The following EML6 variants were observed in gnomAD, a reference collection of about 807,000 sequenced individuals.
The protein encoded by EML6 is EMAP like 6, also known as echinoderm microtubule-associated protein-like 6.
A neutral mutation model predicts 240.1 loss-of-function variants in EML6; 154 were observed. The observed-to-expected ratio is 0.64, with a 90% CI of 0.56 to 0.73. The LOEUF (loss-of-function observed/expected upper bound fraction) is 0.73. Among genes scored for constraint, EML6 ranks in the 30% least tolerant of loss-of-function variants. The pLI is 0.00. For missense variants in EML6, 2,964 were observed against 2,474.6 expected, an observed-to-expected ratio of 1.20 and a Z score of -4.20; for synonymous variants, 1,148 against 899.0, an observed-to-expected ratio of 1.28 and a Z score of -4.95.
intron 31 of EML6, 126 bp downstream of exon 31, chr2:54,952,818 T>C (rs1012312470): frequency 3.1e-6 from 2 of 653,388 alleles, no homozygotes; most frequent in African/African-American, 1.8e-5. Context: ...TGCTGTTGAT[T>C]TTTTGAGTCC....
At chr2:54,757,368 G>A (rs1275193390) in intron 2 of EML6, among the ~76,000 whole-genome samples, 2 of 152,162 alleles carry the variant, frequency 1.3e-5, no homozygotes, top group Non-Finnish European at 1.5e-5. Context: ...GTGGTGCACC[G>A]CCTTTGCAAT....
chr2:54,779,869 A>G (rs1396551061), intron 2 of EML6, among the ~76,000 whole-genome samples: 14 of 150,880 alleles, frequency 9.3e-5, no homozygotes, highest in South Asian at 4.2e-4. Context: ...AAAAAAGAAA[A>G]AAAAAAAAAA....
Position 54,962,624 on chromosome 2 carries a change from C to T in EML6, c.5070C>T (p.Ile1690=), listed in dbSNP as rs746472293. 1.3e-6 allele frequency: 2 copies of T among 1,546,228 alleles called. No individual in the cohort carries two copies. The highest frequency in any genetic ancestry group is 2.5e-5 in the East Asian group (1 of 40,574). ...TTGATGGTCACATGGAAGGGGAGAT[C>T]TGGGGCCTGGCCACTCACCCTTCCA... The part of the protein sequence containing the change: ...ILIDGHMEGE[I]WGLATHPSKD... Residue 1690 remains isoleucine (I), a synonymous_variant, in exon 36 of 42, where the codon ATC becomes ATT. Coordinates refer to ENST00000356458, the MANE Select transcript of EML6 (RefSeq NM_001039753.4).
intron 13 of EML6, among the ~76,000 whole-genome samples, 163 bp downstream of exon 13, chr2:54,864,052 G>A (rs1232374785): frequency 2.0e-5 from 3 of 152,174 alleles, no homozygotes; most frequent in Non-Finnish European, 4.4e-5. Context: ...TAAAACCGAC[G>A]TGTTTACCCA....
At chr2:54,931,059 G>A (rs1315947813) in intron 28 of EML6, among the ~76,000 whole-genome samples, 15 of 145,310 alleles carry the variant, frequency 1.0e-4, no homozygotes, top group South Asian at 6.7e-4. Flanking sequence ...CCGGGTTCAC[G>A]CCATTCTCCT....
intron 21 of EML6, 99 bp from the exon 22 acceptor site, chr2:54,899,542 T>G (rs1396650104): frequency 8.2e-7 from 1 of 1,218,234 alleles, no homozygotes; most frequent in African/African-American, 1.5e-5. Flanking sequence ...TTTGTGCTTT[T>G]TTGTGGTACT....
intron 2 of EML6, among the ~76,000 whole-genome samples, chr2:54,739,605 C>T (rs1210832589): frequency 2.0e-5 from 3 of 152,242 alleles, no homozygotes; most frequent in Non-Finnish European, 4.4e-5. Flanking sequence ...ACACAGCACA[C>T]ATCTCCTCTC....
Position 54,855,183 on chromosome 2 carries a change from C to T in EML6, c.1657+1328C>T, listed in dbSNP as rs568736587. On this transcript the variant is annotated intron_variant, in intron 11 of 41. Coordinates refer to ENST00000356458, the MANE Select transcript of EML6 (RefSeq NM_001039753.4). ...ATAAAGAATAGAGGTTTAATTGGCT[C>T]ACGGTTTTGTAGGCTACACAGGAAG... Among the ~76,000 whole-genome samples, 419 of 152,260 alleles carry T rather than the reference C, an allele frequency of 2.8e-3. 3 individuals carry two copies. The highest frequency in any genetic ancestry group is 9.8e-3 in the African/African-American group (407 of 41,530).
chr2:54,921,330 C>T lies in EML6; in HGVS notation c.3675+4395C>T, dbSNP rs543836616. ...CTTAGACTATCTACAAAAACTGTATCATCAAGACAAATAAAATGTTTAGGA... is the reference window on the plus strand; with the variant it reads ...CTTAGACTATCTACAAAAACTGTATTATCAAGACAAATAAAATGTTTAGGA... On this transcript the variant is annotated intron_variant, in intron 26 of 41. Coordinates refer to ENST00000356458, the MANE Select transcript of EML6 (RefSeq NM_001039753.4). Among the ~76,000 whole-genome samples the T allele has an allele frequency of 2.4e-4, 36 of 152,144 alleles. 1 individual carries two copies. In the South Asian group the frequency reaches 6.2e-3, roughly 26 times the overall value.
intron 5 of EML6, among the ~76,000 whole-genome samples, chr2:54,823,892 C>G (rs530489391): frequency 6.7e-5 from 10 of 148,168 alleles, no homozygotes; most frequent in South Asian, 2.1e-4. Context: ...GTCTCTCTCT[C>G]TCTCTCTCAG....
At chr2:54,870,322 A>AT (rs1449754686) in intron 15 of EML6, among the ~76,000 whole-genome samples, 4 of 149,678 alleles carry the variant, frequency 2.7e-5, no homozygotes, top group Non-Finnish European at 4.5e-5. Flanking sequence ...TAGCTTTTAA[A>AT]TTTTTTTTTA....
intron 28 of EML6, among the ~76,000 whole-genome samples, chr2:54,947,358 C>T (rs115964992): frequency 2.2e-3 from 341 of 152,170 alleles, no homozygotes; most frequent in African/African-American, 7.6e-3. Context: ...CCGGGGGTGT[C>T]GTTTTGCAGA....
chr2:54,873,740 G>A (rs1671370374), intron 16 of EML6, among the ~76,000 whole-genome samples: 1 of 143,996 alleles, frequency 6.9e-6, no homozygotes, highest in Non-Finnish European at 1.5e-5. Context: ...CGTTAAAGTA[G>A]CAAAAATAAA....
chr2:54,857,003 A>G (rs1229018724), intron 11 of EML6, among the ~76,000 whole-genome samples: 1 of 152,314 alleles, frequency 6.6e-6, no homozygotes, highest in Middle Eastern at 3.4e-3. Context: ...GATGGACTGG[A>G]TATGAGAATA....
Position 54,813,272 on chromosome 2 carries a change from C to G in EML6, c.238C>G (p.Gln80Glu), listed in dbSNP as rs1453384130. Residue 80 changes from glutamine (Q) to glutamate (E), a missense_variant, in exon 3 of 42, where the codon CAA becomes GAA. Transcript: ENST00000356458. ...AGACAAAACTCTCGTTGCAACTGGC[C>G]AAGTCGGGAAGGAGCCATATATATG... is the stretch of plus-strand genomic sequence containing the variant. ...HPDKTLVATG[Q>E]VGKEPYICIW... is the part of the protein sequence containing the mutation. The G allele has an allele frequency of 6.4e-7, 1 of 1,550,654 alleles. No individual in the cohort carries two copies.
At chr2:54,731,621 AAT>A (rs1553367452) in intron 2 of EML6, among the ~76,000 whole-genome samples, 4 of 151,446 alleles carry the variant, frequency 2.6e-5, no homozygotes, top group East Asian at 1.9e-4. Context: ...TGTCAAAAAA[AAT>A]ATATATATAT....
At chr2:54,905,095 G>A (rs576651053) in intron 24 of EML6, among the ~76,000 whole-genome samples, 1 of 152,284 alleles carries the variant, frequency 6.6e-6, no homozygotes, top group Non-Finnish European at 1.5e-5. Context: ...TCATGTCAGG[G>A]CAGTGCTGGC....
At chr2:54,750,253 G>C (rs1684099135) in intron 2 of EML6, among the ~76,000 whole-genome samples, 1 of 152,166 alleles carries the variant, frequency 6.6e-6, no homozygotes, top group African/African-American at 2.4e-5. Context: ...CCTGGGACGG[G>C]ACTCAAGCTT....
chr2:54,889,301 T>TAAAATCA (rs1179322672), intron 17 of EML6, among the ~76,000 whole-genome samples: 1 of 151,952 alleles, frequency 6.6e-6, no homozygotes, highest in African/African-American at 2.4e-5. Context: ...ATGAGAGCTT[T>TAAAATCA]AAAATCAAAT....
Sources: gnomAD v4.1 joint callset for allele counts (sites outside exome capture counted in the v4.1 genomes callset) on GRCh38, gnomAD v4.1.1 for gene constraint, MANE v1.5 for transcripts, NCBI Gene and HGNC (gene_info 2026-07-23, HGNC 2026-07-21) for gene names.